CCDC60: variants seen among roughly 807,000 people sequenced by gnomAD.
CCDC60 encodes the protein coiled-coil domain containing 60.
In CCDC60, 54 loss-of-function variants were observed where a neutral mutation model predicts 63.5. The ratio of observed to expected loss-of-function variants is 0.85; its 90% CI spans 0.68 to 1.07. The LOEUF is 1.07. Ranked by LOEUF, CCDC60 falls within the 50% of genes least tolerant of loss-of-function variation. The pLI is 0.00. For synonymous variants in CCDC60, 206 were observed against 238.8 expected (o/e 0.86, Z 1.27); for missense variants, 651 against 684.3 (o/e 0.95, Z 0.54).
chr12:119,338,412 G>C (rs527460546), intron 1 of CCDC60, among the ~76,000 whole-genome samples: 1 of 152,196 alleles, frequency 6.6e-6, no homozygotes, highest in East Asian at 1.9e-4. Flanking sequence ...GATATTTTCA[G>C]AACCTTCTAC....
At position 119,335,215 on chromosome 12, in the gene CCDC60, C is replaced by T; in HGVS notation, c.39C>T (p.Ser13=). The T allele has an allele frequency of 6.2e-7, 1 of 1,607,374 alleles. No homozygotes were observed. Among genetic ancestry groups the T allele is most frequent in the Non-Finnish European group, 8.5e-7 (1 of 1,177,312 alleles). ...KVPATKKLQS[S]PNSGAVRPFY... ...CAGCCACCAAGAAGCTTCAGAGTTC[C>T]CCCAACTCGGGGGCTGTCCGGCCCT... The change falls in exon 1 of 14, where the codon TCC becomes TCT. Residue 13 remains serine, a synonymous_variant. Transcript: ENST00000327554.
chr12:119,398,105 T>TGGGGGGAGGAAGGGGGCGGGGG (rs1956312723), intron 1 of CCDC60, among the ~76,000 whole-genome samples: 1 of 14,204 alleles, frequency 7.0e-5, no homozygotes, highest in African/African-American at 3.2e-4. Context: ...GGGGGCGGTG[T>TGGGGGGAGGAAGGGGGCGGGGG]GGGGGGAGGA....
chr12:119,414,037 T>TA (rs1956654709), intron 1 of CCDC60, among the ~76,000 whole-genome samples: 1 of 152,078 alleles, frequency 6.6e-6, no homozygotes, highest in African/African-American at 2.4e-5. Context: ...TGCTTTTTTT[T>TA]AGATGGTATC....
At chr12:119,509,705 A>C in intron 7 of CCDC60, among the ~76,000 whole-genome samples, 1 of 152,172 alleles carries the variant, frequency 6.6e-6, no homozygotes, top group South Asian at 2.1e-4. Flanking sequence ...AACACTTAAA[A>C]GTATTTTTGT....
chr12:119,530,634 C>T (rs1952815056), intron 12 of CCDC60, among the ~76,000 whole-genome samples: 3 of 152,114 alleles, frequency 2.0e-5, no homozygotes, highest in Admixed American at 6.5e-5. Flanking sequence ...CAAATACATC[C>T]CTTGAAATCA....
At chr12:119,523,218 G>A (rs1033277195) in intron 10 of CCDC60, among the ~76,000 whole-genome samples, 1 of 152,172 alleles carries the variant, frequency 6.6e-6, no homozygotes, top group Non-Finnish European at 1.5e-5. Flanking sequence ...GCTGTGCCAG[G>A]CACCATGAAA....
At chr12:119,536,555 G>T (rs559695400) in intron 13 of CCDC60, among the ~76,000 whole-genome samples, 1 of 152,164 alleles carries the variant, frequency 6.6e-6, no homozygotes, top group Non-Finnish European at 1.5e-5. Context: ...GCTGGTACCG[G>T]TTGTTCCTTT....
chr12:119,479,463 A>C (rs1002844137), intron 4 of CCDC60: 3 of 431,482 alleles, frequency 7.0e-6, no homozygotes, highest in Non-Finnish European at 1.3e-5. Flanking sequence ...ATAGTTTGCA[A>C]AGCCTGATAA....
chr12:119,344,835 T>TG, intron 1 of CCDC60, among the ~76,000 whole-genome samples: 1 of 122,112 alleles, frequency 8.2e-6, no homozygotes, highest in South Asian at 3.7e-4. Context: ...TCTCTCTCTC[T>TG]TTCTCTCTCT....
chr12:119,351,126 A>G (rs935208566), intron 1 of CCDC60, among the ~76,000 whole-genome samples: 4 of 152,198 alleles, frequency 2.6e-5, no homozygotes, highest in Non-Finnish European at 4.4e-5. Context: ...TTTGAGGTGA[A>G]GGATAAAGCA....
At chr12:119,467,843 G>A (rs1355968259) in intron 2 of CCDC60, among the ~76,000 whole-genome samples, 6 of 152,180 alleles carry the variant, frequency 3.9e-5, no homozygotes, top group East Asian at 3.8e-4. Flanking sequence ...AAACGCTAAC[G>A]GTTTTCTTTT....
At chr12:119,484,054 G>A (rs1330901224) in intron 4 of CCDC60, among the ~76,000 whole-genome samples, 1 of 151,832 alleles carries the variant, frequency 6.6e-6, no homozygotes, top group Non-Finnish European at 1.5e-5. Context: ...CTATTCTGAT[G>A]AAAAGGGAGT....
At chr12:119,530,588 T>A (rs1393782374) in intron 12 of CCDC60, among the ~76,000 whole-genome samples, 1 of 152,202 alleles carries the variant, frequency 6.6e-6, no homozygotes, top group Admixed American at 6.5e-5. Context: ...TCCATTCCTT[T>A]CTTCTAACAT....
chr12:119,426,028 T>C (rs776854450), intron 1 of CCDC60, among the ~76,000 whole-genome samples: 1 of 152,204 alleles, frequency 6.6e-6, no homozygotes, highest in East Asian at 1.9e-4. Context: ...ATGTTCATTA[T>C]GCAAAAGCAT....
intron 2 of CCDC60, 92 bp from the exon 3 acceptor site, chr12:119,471,902 C>T (rs1219577096): frequency 1.9e-6 from 2 of 1,050,316 alleles, no homozygotes; most frequent in Non-Finnish European, 2.8e-6. Context: ...TCTCTTTCCT[C>T]TCTCTCTTTC....
At chr12:119,418,345 A>G (rs1334852500) in intron 1 of CCDC60, among the ~76,000 whole-genome samples, 3 of 144,174 alleles carry the variant, frequency 2.1e-5, no homozygotes, top group South Asian at 4.5e-4. Flanking sequence ...ACATTAACCC[A>G]GTGCTATTAT....
intron 1 of CCDC60, among the ~76,000 whole-genome samples, chr12:119,381,726 C>G (rs1214596904): frequency 6.6e-6 from 1 of 152,098 alleles, no homozygotes; most frequent in Non-Finnish European, 1.5e-5. Flanking sequence ...CTCAGAGAGT[C>G]GAAGTCACTC....
At chr12:119,489,890 C>T (rs1403894721) in intron 5 of CCDC60, among the ~76,000 whole-genome samples, 3 of 151,846 alleles carry the variant, frequency 2.0e-5, no homozygotes, top group African/African-American at 7.3e-5. Context: ...CTCCATCTCC[C>T]GGGTTCAAGC....
Position 119,410,525 on chromosome 12 carries a change from G to A in CCDC60, c.91-18158G>A, listed in dbSNP as rs2136195999. On this transcript the variant is annotated intron_variant, in intron 1 of 13. Coordinates refer to ENST00000327554, the MANE Select transcript of CCDC60 (RefSeq NM_178499.5). The surrounding 1 kb of genome is among the most constrained non-coding windows in gnomAD (Gnocchi z 4.0). ...ACCAGCTTCAGGAATGTTCTCTCCT[G>A]CCTCGTGACATCAGGAAAACCTTCA... Among the ~76,000 whole-genome samples, 1 of 151,790 alleles carries A rather than the reference G, an allele frequency of 6.6e-6. No individual in the cohort carries two copies. Among genetic ancestry groups the A allele is most frequent in the South Asian group, 2.1e-4 (1 of 4,800 alleles).
Sources: gnomAD v4.1 joint callset for allele counts (sites outside exome capture counted in the v4.1 genomes callset) on GRCh38, gnomAD v4.1.1 for gene constraint, Gnocchi (gnomAD v3.1) non-coding constraint, MANE v1.5 for transcripts, NCBI Gene and HGNC (gene_info 2026-07-23, HGNC 2026-07-21) for gene names.